The following KCNIP4 variants were observed in gnomAD, a reference collection of about 807,000 sequenced individuals.
KCNIP4 encodes the protein Kv channel-interacting protein 4.
In KCNIP4, 12 loss-of-function variants were observed where a neutral mutation model predicts 34.0. That is an observed-to-expected ratio of 0.35 (90% confidence interval 0.23 to 0.57). The LOEUF is 0.57. KCNIP4 is among the 20% of genes least tolerant of loss of function. The pLI is 0.83. For missense variants in KCNIP4, 238 were observed against 311.7 expected (o/e 0.76, Z 1.78); for synonymous variants, 124 against 102.2 (o/e 1.21, Z -1.29).
At chr4:21,210,150 T>C (rs1476133114) in intron 1 of KCNIP4, among the ~76,000 whole-genome samples, 1 of 152,222 alleles carries the variant, frequency 6.6e-6, no homozygotes, top group Non-Finnish European at 1.5e-5. Flanking sequence ...GACTCCTAAA[T>C]AACAGGAAAG....
At chr4:21,812,308 C>T (rs190493665) in intron 1 of KCNIP4, among the ~76,000 whole-genome samples, 7 of 152,218 alleles carry the variant, frequency 4.6e-5, no homozygotes, top group Admixed American at 4.6e-4. Flanking sequence ...ACAAATATTG[C>T]TCTTTTATAA....
intron 1 of KCNIP4, among the ~76,000 whole-genome samples, chr4:20,962,434 C>A (rs541571471): frequency 1.3e-5 from 2 of 152,136 alleles, no homozygotes; most frequent in Non-Finnish European, 2.9e-5. Context: ...CTTCTCGTTG[C>A]CCATGTTTCT....
At chr4:21,432,209 C>G (rs1381905734) in intron 1 of KCNIP4, among the ~76,000 whole-genome samples, 3 of 140,258 alleles carry the variant, frequency 2.1e-5, no homozygotes, top group Admixed American at 7.8e-5. Context: ...AAAACCACAT[C>G]AAGACATTAT....
At chr4:21,401,347 G>A (rs986327976) in intron 1 of KCNIP4, among the ~76,000 whole-genome samples, 2 of 152,304 alleles carry the variant, frequency 1.3e-5, no homozygotes, top group Middle Eastern at 6.8e-3. Context: ...TTCTCTTTAA[G>A]GAATGACGAT....
intron 1 of KCNIP4, among the ~76,000 whole-genome samples, chr4:21,223,662 G>A (rs987190522): frequency 6.6e-6 from 1 of 152,162 alleles, no homozygotes; most frequent in African/African-American, 2.4e-5. Flanking sequence ...GCTGTTGAAA[G>A]TATATATTAT....
At chr4:20,989,609 C>G (rs1407632675) in intron 1 of KCNIP4, among the ~76,000 whole-genome samples, 1 of 152,152 alleles carries the variant, frequency 6.6e-6, no homozygotes, top group Non-Finnish European at 1.5e-5. Context: ...GAAACCTAAT[C>G]TAGGTCATTG....
intron 1 of KCNIP4, among the ~76,000 whole-genome samples, chr4:21,465,874 A>G (rs1729883659): frequency 3.3e-5 from 5 of 152,170 alleles, no homozygotes. Context: ...TTCTGAAACT[A>G]AGCTAGTGAC....
chr4:20,737,597 C>T (rs960795004), intron 5 of KCNIP4, among the ~76,000 whole-genome samples: 10 of 151,956 alleles, frequency 6.6e-5, no homozygotes, highest in African/African-American at 2.2e-4. Context: ...TGTTTCTGTC[C>T]GATAGCTTTA....
At chr4:21,923,287 C>A (rs1437564097) in intron 1 of KCNIP4, among the ~76,000 whole-genome samples, 1 of 152,134 alleles carries the variant, frequency 6.6e-6, no homozygotes, top group East Asian at 1.9e-4. Context: ...ATTTAAAATA[C>A]CTTTTCTTCT....
chr4:21,614,144 CAAA>C (rs11310974), intron 1 of KCNIP4, among the ~76,000 whole-genome samples: 6 of 137,224 alleles, frequency 4.4e-5, no homozygotes, highest in Admixed American at 7.5e-5. Flanking sequence ...GACTCTATCT[CAAA>C]AAAAAAAAAA....
intron 1 of KCNIP4, among the ~76,000 whole-genome samples, chr4:21,832,579 T>A (rs577850925): frequency 2.8e-5 from 1 of 35,350 alleles, no homozygotes; most frequent in Non-Finnish European, 7.8e-5. Context: ...GTTTTTATTT[T>A]TTTTATTTTT....
intron 1 of KCNIP4, among the ~76,000 whole-genome samples, chr4:21,910,582 G>C (rs1049570252): frequency 1.3e-5 from 2 of 152,116 alleles, no homozygotes; most frequent in African/African-American, 4.8e-5. Context: ...AAACAACCAT[G>C]ATTAAGCATG....
At chr4:20,798,953 T>A (rs1485109986) in intron 3 of KCNIP4, among the ~76,000 whole-genome samples, 1 of 152,190 alleles carries the variant, frequency 6.6e-6, no homozygotes, top group East Asian at 1.9e-4. Context: ...CCTATCCTAT[T>A]GCCTGTACTG....
intron 3 of KCNIP4, among the ~76,000 whole-genome samples, chr4:20,821,985 C>A (rs187935058): frequency 1.3e-5 from 2 of 151,566 alleles, no homozygotes; most frequent in East Asian, 1.9e-4. Flanking sequence ...TATAAACATG[C>A]GTGTGCATGT....
intron 1 of KCNIP4, among the ~76,000 whole-genome samples, chr4:21,331,296 T>C (rs1423968383): frequency 6.6e-6 from 1 of 152,068 alleles, no homozygotes; most frequent in African/African-American, 2.4e-5. Flanking sequence ...TCAAGATGCT[T>C]TTTAAAATTT....
chr4:21,299,987 C>T (rs1195053046), intron 1 of KCNIP4, among the ~76,000 whole-genome samples: 1 of 152,034 alleles, frequency 6.6e-6, no homozygotes, highest in Admixed American at 6.6e-5. Context: ...ACTTAGATTA[C>T]CAGTTGATTT....
intron 2 of KCNIP4, among the ~76,000 whole-genome samples, chr4:20,874,666 G>A (rs545391110): frequency 2.8e-4 from 42 of 150,762 alleles, no homozygotes; most frequent in African/African-American, 1.0e-3. Flanking sequence ...TGTGACTTTG[G>A]GCAAGCCACT....
At chr4:21,335,319 C>T (rs192799110) in intron 1 of KCNIP4, among the ~76,000 whole-genome samples, 116 of 152,030 alleles carry the variant, frequency 7.6e-4, no homozygotes, top group Non-Finnish European at 1.3e-3. Flanking sequence ...ACTTATAATG[C>T]TCTTAGTAAC....
At chr4:20,922,970 T>C (rs1480604233) in intron 1 of KCNIP4, among the ~76,000 whole-genome samples, 2 of 152,136 alleles carry the variant, frequency 1.3e-5, no homozygotes, top group Non-Finnish European at 2.9e-5. Context: ...TACGTGTGTG[T>C]GTGTGCGTGT....
Sources: allele counts gnomAD v4.1 joint callset (sites outside exome capture counted in the v4.1 genomes callset), GRCh38; gene constraint gnomAD v4.1.1; transcripts MANE v1.5; gene names NCBI Gene and HGNC (gene_info 2026-07-23, HGNC 2026-07-21).